Variants in FBN1 observed in about 807,000 individuals in gnomAD.
FBN1 encodes fibrillin 1.
FBN1 carries 29 observed loss-of-function variants against 365.1 expected under a neutral mutation model. The observed-to-expected ratio is 0.08, with a 90% CI of 0.06 to 0.11. The LOEUF (loss-of-function observed/expected upper bound fraction) is 0.11. FBN1 is among the 10% of genes least tolerant of loss of function. FBN1 has a pLI of 1.00. For synonymous variants in FBN1, 1,210 were observed against 1,270.5 expected (o/e 0.95, Z 1.01); for missense variants, 2,476 against 3,703.2 (o/e 0.67, Z 8.60).
At chr15:48,600,696 G>A (rs56722087) in intron 4 of FBN1, among the ~76,000 whole-genome samples, 2,815 of 151,978 alleles carry the variant, frequency 0.019, 51 homozygotes, top group African/African-American at 0.045. Flanking sequence ...CAGAGCGAGC[G>A]AAAGAAAGAA....
chr15:48,487,068 A>G lies in FBN1; in HGVS notation c.3589+7T>C. On this transcript the variant is annotated splice_region_variant and intron_variant, in intron 29 of 65. Transcript: ENST00000316623. ...AATAAAATAAAATAAAATAAAAAAG[A>G]ACTTACCAACACAAAATAGCCTATC... 1 of 1,549,970 alleles carries G rather than the reference A, an allele frequency of 6.5e-7. No homozygotes were observed. Among genetic ancestry groups the G allele is most frequent in the Non-Finnish European group, 8.7e-7 (1 of 1,149,540 alleles).
At chr15:48,613,280 A>T (rs901931140) in intron 2 of FBN1, among the ~76,000 whole-genome samples, 188 bp from the exon 3 acceptor site, 1 of 152,232 alleles carries the variant, frequency 6.6e-6, no homozygotes, top group African/African-American at 2.4e-5. Flanking sequence ...ATCAACAGGG[A>T]CATCCCTTAA....
chr15:48,611,393 TG>T (rs1384583698), intron 3 of FBN1, among the ~76,000 whole-genome samples: 2 of 152,114 alleles, frequency 1.3e-5, no homozygotes, highest in Non-Finnish European at 2.9e-5. Flanking sequence ...CCCGAGTAGC[TG>T]GGACTACAGG....
At chr15:48,570,269 A>T (rs1484799889) in intron 6 of FBN1, among the ~76,000 whole-genome samples, 1 of 152,204 alleles carries the variant, frequency 6.6e-6, no homozygotes, top group African/African-American at 2.4e-5. Flanking sequence ...GACTTAACAC[A>T]GTTGGCTTAT....
chr15:48,453,989 C>T (rs1312633046), intron 44 of FBN1, among the ~76,000 whole-genome samples: 1 of 152,168 alleles, frequency 6.6e-6, no homozygotes, highest in Non-Finnish European at 1.5e-5. Flanking sequence ...GCTGCTAGGG[C>T]CAGCACTTGA....
In FBN1 at chr15:48,547,212, C is replaced by T. The variant is rs190751505; in HGVS notation, c.539-9404G>A. ...AGCATTTACTCCTATCATATTCAGA[C>T]ATTTATGTATAAACATTAGGGTTGA... On this transcript the variant is annotated intron_variant, in intron 6 of 65. Transcript: ENST00000316623. Among the ~76,000 whole-genome samples, 5 of 152,218 alleles carry T rather than the reference C, an allele frequency of 3.3e-5. No homozygotes were observed. The East Asian group carries it at 9.6e-4, about 29-fold the overall frequency.
At chr15:48,630,404 C>T (rs1031288582) in intron 2 of FBN1, among the ~76,000 whole-genome samples, 4 of 152,120 alleles carry the variant, frequency 2.6e-5, no homozygotes, top group Non-Finnish European at 4.4e-5. Context: ...GAATGTGTGT[C>T]AAACAACCTA....
intron 2 of FBN1, chr15:48,643,740 C>G (rs573447626): frequency 6.6e-6 from 1 of 152,292 alleles, no homozygotes; most frequent in Non-Finnish European, 1.5e-5. Context: ...TAAAAGGGGT[C>G]ACTGACAGTC....
At position 48,445,106 on chromosome 15, in the gene FBN1, TTA is replaced by T. The variant is rs201741491; in HGVS notation, c.5917+268_5917+269del. Among the ~76,000 whole-genome samples, 787 of 145,602 alleles carry T rather than the reference TTA, an allele frequency of 5.4e-3. 2 individuals carry two copies. Among genetic ancestry groups the T allele is most frequent in the Non-Finnish European group, 8.5e-3 (563 of 66,482 alleles). On this transcript the variant is annotated intron_variant, in intron 48 of 65. Transcript: ENST00000316623. ...ATTTTTAAAATAAGGGAAAAAGTGA[TTA>T]TATATATATATACACATATATATAT...
At chr15:48,440,475 T>C (rs897968390) in intron 50 of FBN1, among the ~76,000 whole-genome samples, 1 of 151,964 alleles carries the variant, frequency 6.6e-6, no homozygotes, top group Admixed American at 6.6e-5. Flanking sequence ...AACAAGGGAG[T>C]AGGAGTTAGA....
chr15:48,518,932 C>A (rs2043828470), intron 10 of FBN1, among the ~76,000 whole-genome samples: 1 of 152,186 alleles, frequency 6.6e-6, no homozygotes, highest in Non-Finnish European at 1.5e-5. Flanking sequence ...CAGTGGTATA[C>A]CTGGGAGGAC....
chr15:48,495,472 T>C lies in FBN1; in HGVS notation c.2536A>G (p.Ile846Val). Reference sequence around the variant, plus strand: ...TCATTCTCAGAAAGATAAATACCTATGCAGATGGTTTTTGTTGGATCCAAA... The same window carrying C: ...TCATTCTCAGAAAGATAAATACCTACGCAGATGGTTTTTGTTGGATCCAAA... ...STLDPTKTICIETIKGTCWQT... is the reference protein window; with the variant it reads ...STLDPTKTICVETIKGTCWQT... The change falls in exon 21 of 66, where the codon ATA (isoleucine) becomes GTA (valine). Residue 846 changes from isoleucine to valine, a missense_variant. Physicochemically the swap from Ile to Val is conservative, Grantham distance 29. Around this residue, in one of 5 missense-constraint regions of FBN1, gnomAD observed 1,780 missense variants for 2,840.8 expected, o/e 0.63. Coordinates refer to ENST00000316623, the MANE Select transcript of FBN1 (RefSeq NM_000138.5). 6.2e-7 allele frequency: 1 copy of C among 1,614,026 alleles called. No individual in the cohort carries two copies. The highest frequency in any genetic ancestry group is 8.5e-7 in the Non-Finnish European group (1 of 1,179,966).
Position 48,464,034 on chromosome 15 carries a change from G to C in FBN1, c.4943-13C>G. On this transcript the variant is annotated splice_polypyrimidine_tract_variant and intron_variant, in intron 40 of 65. Coordinates refer to ENST00000316623, the MANE Select transcript of FBN1 (RefSeq NM_000138.5). ...CATTCATTCACATCTATAATCCAAA[G>C]AGAAAGTGGTATGTGAATATGAAAA... The C allele has an allele frequency of 1.2e-6, 2 of 1,613,620 alleles. No individual in the cohort carries two copies. Among genetic ancestry groups the C allele is most frequent in the South Asian group, 1.1e-5 (1 of 91,054 alleles).
At position 48,470,573 on chromosome 15, in the gene FBN1, T is replaced by G. The variant is rs567928787; in HGVS notation, c.4459+61A>C. 6 of 1,611,102 alleles carry G rather than the reference T, an allele frequency of 3.7e-6. No homozygotes were observed. The African/African-American group carries it at 8.0e-5, about 22-fold the overall frequency. On this transcript the variant is annotated intron_variant, in intron 36 of 65. Coordinates refer to ENST00000316623, the MANE Select transcript of FBN1 (RefSeq NM_000138.5). ...GGCCCTTGTGTAGTCCCAGGGAGGC[T>G]CCAATAGCTGGGTCCCCCGGGACAC...
intron 36 of FBN1, 109 bp downstream of exon 36, chr15:48,470,524 CT>C: frequency 6.9e-7 from 1 of 1,444,512 alleles, no homozygotes; most frequent in South Asian, 1.1e-5. Context: ...ATACTTCCCC[CT>C]TGCTTTTCTT....
In FBN1 at chr15:48,492,193, T is replaced by A. The variant is rs2043566017; in HGVS notation, c.2854+268A>T. ...CCACCACTCAGCTTGTATTTTATAG[T>A]TCACGGCATATGGGGCCGATTTAAG... is the stretch of plus-strand genomic sequence containing the variant. On this transcript the variant is annotated intron_variant, in intron 24 of 65. Transcript: ENST00000316623. Among the ~76,000 whole-genome samples the A allele has an allele frequency of 2.0e-5, 3 of 152,348 alleles. No individual in the cohort carries two copies. The South Asian group carries it at 6.2e-4, about 32-fold the overall frequency.
intron 6 of FBN1, among the ~76,000 whole-genome samples, chr15:48,576,486 C>G (rs1201494476): frequency 2.0e-5 from 3 of 152,112 alleles, no homozygotes; most frequent in Admixed American, 2.0e-4. Context: ...CCCAACAGAC[C>G]ATAAGCTGGA....
chr15:48,543,897 A>C (rs2141365786), intron 6 of FBN1, among the ~76,000 whole-genome samples: 1 of 152,212 alleles, frequency 6.6e-6, no homozygotes, highest in African/African-American at 2.4e-5. Flanking sequence ...GATGTATGCA[A>C]CTTAACTTTC....
intron 30 of FBN1, 144 bp downstream of exon 30, chr15:48,485,230 T>C: frequency 2.0e-6 from 2 of 1,016,380 alleles, no homozygotes; most frequent in Middle Eastern, 2.5e-4. Flanking sequence ...ATTCTAATAA[T>C]AGGTATCTTG....
Sources: allele counts gnomAD v4.1 joint callset (sites outside exome capture counted in the v4.1 genomes callset), GRCh38; gene constraint gnomAD v4.1.1; regional missense constraint gnomAD v4.1.1; transcripts MANE v1.5; gene names NCBI Gene and HGNC (gene_info 2026-07-23, HGNC 2026-07-21).